Variants in AFG2A observed in about 807,000 individuals in gnomAD.
AFG2A encodes ATPase family gene 2 protein homolog A.
At chr4:123,159,124 A>G in the AFG2A span, among the ~76,000 whole-genome samples, 2 of 152,216 alleles carry the variant, frequency 1.3e-5, no homozygotes, top group Non-Finnish European at 2.9e-5. Flanking sequence ...TCCAAATGCC[A>G]GGTAAATCAG....
chr4:123,149,235 CTT>C, the AFG2A span, among the ~76,000 whole-genome samples: 1 of 152,076 alleles, frequency 6.6e-6, no homozygotes, highest in Non-Finnish European at 1.5e-5. Flanking sequence ...TAAGATGAGT[CTT>C]TGCTGCAACA....
At chr4:122,963,492 A>G in the AFG2A span, among the ~76,000 whole-genome samples, 1 of 152,194 alleles carries the variant, frequency 6.6e-6, no homozygotes, top group Non-Finnish European at 1.5e-5. Context: ...GTATGTACTA[A>G]CACATTTCTT....
chr4:123,068,928 A>G, the AFG2A span, among the ~76,000 whole-genome samples: 2 of 152,182 alleles, frequency 1.3e-5, no homozygotes, highest in Non-Finnish European at 2.9e-5. Context: ...CATCATCTTC[A>G]TGGTAAAGAA....
At chr4:123,199,364 A>T in the AFG2A span, among the ~76,000 whole-genome samples, 1 of 152,082 alleles carries the variant, frequency 6.6e-6, no homozygotes, top group Non-Finnish European at 1.5e-5. Flanking sequence ...ATTGATTTTC[A>T]GAATCATTGA....
chr4:123,302,748 G>A, the AFG2A span, among the ~76,000 whole-genome samples: 7 of 152,212 alleles, frequency 4.6e-5, no homozygotes, highest in Non-Finnish European at 7.4e-5. Context: ...TGACATTTGC[G>A]ATATGGCAGG....
the AFG2A span, among the ~76,000 whole-genome samples, chr4:123,254,273 C>A: frequency 0.57 from 86,872 of 151,848 alleles, 26,847 homozygotes; most frequent in Non-Finnish European, 0.67. Flanking sequence ...TTAGCTCATA[C>A]ATTTCAAGTT....
chr4:123,256,942 C>A, the AFG2A span: 1 of 624,438 alleles, frequency 1.6e-6, no homozygotes, highest in Non-Finnish European at 2.0e-6. Context: ...ACAGAAATAG[C>A]ATCTGTCACA....
chr4:123,218,191 A>G, the AFG2A span, among the ~76,000 whole-genome samples: 1 of 152,202 alleles, frequency 6.6e-6, no homozygotes, highest in Non-Finnish European at 1.5e-5. Flanking sequence ...ATGCTAGTGA[A>G]TCTTACAAAA....
At chr4:123,299,195 G>A in the AFG2A span, among the ~76,000 whole-genome samples, 1 of 151,882 alleles carries the variant, frequency 6.6e-6, no homozygotes, top group Non-Finnish European at 1.5e-5. Flanking sequence ...TTATTTCAAA[G>A]AGAAGAGAGT....
At chr4:122,924,765 CT>C in the AFG2A span, among the ~76,000 whole-genome samples, 3 of 152,132 alleles carry the variant, frequency 2.0e-5, no homozygotes, top group East Asian at 5.8e-4. Context: ...TAGCCAAATG[CT>C]TCTCAAGCTC....
chr4:123,280,713 G>A, the AFG2A span, among the ~76,000 whole-genome samples: 1 of 152,144 alleles, frequency 6.6e-6, no homozygotes, highest in Admixed American at 6.6e-5. Flanking sequence ...TTCTGATTAC[G>A]TTTGACCTAT....
At chr4:123,001,931 G>A in the AFG2A span, among the ~76,000 whole-genome samples, 2 of 152,144 alleles carry the variant, frequency 1.3e-5, no homozygotes, top group African/African-American at 4.8e-5. Flanking sequence ...ATTACTGTGT[G>A]GGTGTCTAAG....
At chr4:123,310,863 T>G in the AFG2A span, among the ~76,000 whole-genome samples, 1 of 152,202 alleles carries the variant, frequency 6.6e-6, no homozygotes, top group Non-Finnish European at 1.5e-5. Flanking sequence ...GAGCATCCTT[T>G]ATAAATAAAA....
chr4:123,111,655 G>T, the AFG2A span, among the ~76,000 whole-genome samples: 1 of 152,142 alleles, frequency 6.6e-6, no homozygotes. Flanking sequence ...GTAATATAGT[G>T]AAGATGTTTC....
At chr4:123,287,522 T>A in the AFG2A span, among the ~76,000 whole-genome samples, 2 of 152,230 alleles carry the variant, frequency 1.3e-5, no homozygotes, top group Non-Finnish European at 2.9e-5. Context: ...AAAACCAACT[T>A]GTTAAGACTA....
the AFG2A span, among the ~76,000 whole-genome samples, chr4:123,270,276 C>A: frequency 3.9e-5 from 6 of 152,212 alleles, no homozygotes; most frequent in East Asian, 1.2e-3. Flanking sequence ...TTGAATCTTC[C>A]TGTGCACCAT....
the AFG2A span, among the ~76,000 whole-genome samples, chr4:123,189,236 T>C: frequency 6.6e-6 from 1 of 152,330 alleles, no homozygotes; most frequent in East Asian, 1.9e-4. Flanking sequence ...CTCTTTGATA[T>C]TTCCCTGCCT....
chr4:123,101,303 T>C, the AFG2A span, among the ~76,000 whole-genome samples: 2 of 151,888 alleles, frequency 1.3e-5, no homozygotes, highest in Non-Finnish European at 2.9e-5. Flanking sequence ...GAAGAACAGA[T>C]GAAAGTAAAA....
At chr4:123,204,512 A>G in the AFG2A span, among the ~76,000 whole-genome samples, 1 of 152,096 alleles carries the variant, frequency 6.6e-6, no homozygotes. Flanking sequence ...TTCTTTGGTG[A>G]AATGTCCGCT....
Sources: allele counts gnomAD v4.1 joint callset (sites outside exome capture counted in the v4.1 genomes callset), GRCh38; gene constraint gnomAD v4.1.1; transcripts MANE v1.5; gene names NCBI Gene and HGNC (gene_info 2026-07-23, HGNC 2026-07-21).